Variants in PPP2R5C observed in about 807,000 individuals in gnomAD.
The protein encoded by PPP2R5C is protein phosphatase 2 regulatory subunit B'gamma.
In PPP2R5C, 7 loss-of-function variants were observed where a neutral mutation model predicts 68.9. The ratio of observed to expected loss-of-function variants is 0.10; its 90% CI spans 0.06 to 0.19. The LOEUF (loss-of-function observed/expected upper bound fraction) is 0.19, where lower values mean the gene tolerates loss of function less well. PPP2R5C is among the 10% of genes least tolerant of loss of function. The probability of loss-of-function intolerance (pLI) is 1.00; values close to 1 mark genes in which losing one functional copy is unlikely to be tolerated. For missense variants in PPP2R5C, 348 were observed against 641.3 expected (o/e 0.54, Z 4.94); for synonymous variants, 210 against 222.2 (o/e 0.95, Z 0.49).
chr14:101,925,264 G>T (rs762031227), exon 14 of PPP2R5C: 18 of 1,612,794 alleles, frequency 1.1e-5, no homozygotes, highest in Non-Finnish European at 1.5e-5. Context: ...CTCCCAGGAC[G>T]GCCGCTAGCC....
chr14:101,816,601 G>A (rs1042935776), intron 1 of PPP2R5C, among the ~76,000 whole-genome samples: 14 of 152,040 alleles, frequency 9.2e-5, no homozygotes, highest in East Asian at 5.8e-4. Flanking sequence ...GAATTACTGC[G>A]AACTTTCTAG....
At chr14:101,912,529 AGATAG>A in intron 12 of PPP2R5C, 56 bp downstream of exon 14, 1 of 1,553,416 alleles carries the variant, frequency 6.4e-7, no homozygotes, top group South Asian at 1.2e-5. Flanking sequence ...TGTTTTTATA[AGATAG>A]GAATATATGT....
chr14:101,874,252 G>C (rs1483879953), intron 2 of PPP2R5C, among the ~76,000 whole-genome samples: 1 of 152,182 alleles, frequency 6.6e-6, no homozygotes, highest in Admixed American at 6.6e-5. Flanking sequence ...AGAGTATGTT[G>C]TTCTGCTATG....
At chr14:101,828,802 C>T (rs938562654) in intron 1 of PPP2R5C, among the ~76,000 whole-genome samples, 4 of 151,684 alleles carry the variant, frequency 2.6e-5, no homozygotes, top group South Asian at 2.1e-4. Flanking sequence ...CTCAGCCTCC[C>T]GAGCAACTGA....
intron 3 of PPP2R5C, among the ~76,000 whole-genome samples, chr14:101,788,859 A>G (rs1185891237): frequency 4.6e-5 from 7 of 152,202 alleles, no homozygotes; most frequent in Admixed American, 3.3e-4. Context: ...AAGATGGTAT[A>G]TATCCCCCAT....
chr14:101,925,045 G>A (rs1182871948), intron 13 of PPP2R5C, 96 bp from the exon 16 acceptor site: 3 of 1,414,556 alleles, frequency 2.1e-6, no homozygotes, highest in Non-Finnish European at 2.9e-6. Context: ...TGAGGCACAC[G>A]TGCCTCGCGG....
Position 101,879,565 on chromosome 14 carries a change from G to C in PPP2R5C, c.295-2596G>C, listed in dbSNP as rs916400939. 3.9e-5 allele frequency among the ~76,000 whole-genome samples: 6 copies of C among 152,200 alleles called. No individual in the cohort carries two copies. The highest frequency in any genetic ancestry group is 1.4e-4 in the African/African-American group (6 of 41,444). On this transcript the variant is annotated intron_variant, in intron 2 of 13. Coordinates refer to ENST00000334743, the Ensembl canonical transcript of PPP2R5C. The surrounding 1 kb of genome is among the most constrained non-coding windows in gnomAD (Gnocchi z 4.2). The stretch of plus-strand genomic sequence containing the variant: ...CCTGCCAGGCATAGTCCTGTTCACA[G>C]ATTCCTCTGCCACCCAGAGTTCGTG...
rs2044643356 is a variant in PPP2R5C, at chr14:101,888,164, AG to A, written c.630-2069del. 6.6e-6 allele frequency among the ~76,000 whole-genome samples: 1 copy of A among 152,134 alleles called. No homozygotes were observed. The highest frequency in any genetic ancestry group is 2.4e-5 in the African/African-American group (1 of 41,424). The stretch of plus-strand genomic sequence containing the variant: ...TTAAAGCTGATGGATCTAGACCAGA[AG>A]GGGTCCAGGGGTCTTTGTCTCGGAG... On this transcript the variant is annotated intron_variant, in intron 5 of 13. Coordinates refer to ENST00000334743, the Ensembl canonical transcript of PPP2R5C. This position sits in a 1 kb window ranked among gnomAD's most constrained non-coding sequence, Gnocchi z 5.6.
chr14:101,774,784 T>C (rs532863659), intron 2 of PPP2R5C, among the ~76,000 whole-genome samples: 2 of 152,334 alleles, frequency 1.3e-5, no homozygotes, highest in South Asian at 2.1e-4. Flanking sequence ...TTTTCCTTTA[T>C]TTCTTCCTCT....
intron 11 of PPP2R5C, among the ~76,000 whole-genome samples, chr14:101,911,323 GA>G (rs2046379142): frequency 6.6e-6 from 1 of 152,144 alleles, no homozygotes; most frequent in South Asian, 2.1e-4. Flanking sequence ...GTAGTGTGGG[GA>G]AATAAAAGAA....
At chr14:101,767,913 G>T (rs527738754) in intron 2 of PPP2R5C, among the ~76,000 whole-genome samples, 1 of 152,270 alleles carries the variant, frequency 6.6e-6, no homozygotes, top group Non-Finnish European at 1.5e-5. Flanking sequence ...CCCTTCTCTA[G>T]CCCCCATTCC....
upstream of PPP2R5C, among the ~76,000 whole-genome samples, chr14:101,806,306 G>C (rs2039076578): frequency 6.7e-6 from 1 of 149,400 alleles, no homozygotes; most frequent in South Asian, 2.1e-4. Flanking sequence ...TCCCCTCCCT[G>C]TGTCCATGTG....
intron 3 of PPP2R5C, 126 bp downstream of exon 3, chr14:101,786,309 AG>A: frequency 4.0e-5 from 32 of 800,544 alleles, no homozygotes; most frequent in South Asian, 3.3e-4. Context: ...TTCTGTATTG[AG>A]GGGTTTTTTT....
chr14:101,805,212 C>T (rs560655241), upstream of PPP2R5C, among the ~76,000 whole-genome samples: 61 of 152,138 alleles, frequency 4.0e-4, no homozygotes, highest in Non-Finnish European at 7.9e-4. Context: ...CCTACAGGCA[C>T]GCACCACCAG....
At chr14:101,870,212 A>G (rs1392397427) in intron 2 of PPP2R5C, among the ~76,000 whole-genome samples, 1 of 151,556 alleles carries the variant, frequency 6.6e-6, no homozygotes, top group Non-Finnish European at 1.5e-5. Context: ...TTTAATTGAG[A>G]TAAAGTCCAA....
In PPP2R5C at chr14:101,867,032, C is replaced by T. The variant is rs1233448127; in HGVS notation, c.294+10147C>T. Among the ~76,000 whole-genome samples, 5 of 152,214 alleles carry T rather than the reference C, an allele frequency of 3.3e-5. No homozygotes were observed. The East Asian group carries it at 7.8e-4, about 24-fold the overall frequency. On this transcript the variant is annotated intron_variant, in intron 2 of 13. Coordinates refer to ENST00000334743, the Ensembl canonical transcript of PPP2R5C. The stretch of plus-strand genomic sequence containing the variant: ...AGGAGTTCAAGAGCAGCCTGGCCAA[C>T]GTGGTGGAACCCTGTCTCTACTAAA...
rs1387662355 is a variant in PPP2R5C at position 101,916,275 on chromosome 14, T to C, written c.1327-1556T>C. ...GGCACAGGGCGCTGAGGACCTGGTCTGACTGGCCTTCAAGGAAGGAACCCA... is the reference window on the plus strand; with the variant it reads ...GGCACAGGGCGCTGAGGACCTGGTCCGACTGGCCTTCAAGGAAGGAACCCA... On this transcript the variant is annotated intron_variant, in intron 12 of 13. Coordinates refer to ENST00000334743, the Ensembl canonical transcript of PPP2R5C. The surrounding 1 kb of genome is among the most constrained non-coding windows in gnomAD (Gnocchi z 5.5). 6.6e-6 allele frequency among the ~76,000 whole-genome samples: 1 copy of C among 152,132 alleles called. No individual in the cohort carries two copies. Among genetic ancestry groups the C allele is most frequent in the Non-Finnish European group, 1.5e-5 (1 of 68,012 alleles).
chr14:101,857,632 C>A (rs559429702), intron 2 of PPP2R5C, among the ~76,000 whole-genome samples: 1 of 152,370 alleles, frequency 6.6e-6, no homozygotes, highest in South Asian at 2.1e-4. Flanking sequence ...ATTCCTCAGT[C>A]AGTACCACCT....
upstream of PPP2R5C, among the ~76,000 whole-genome samples, chr14:101,761,602 C>CGGGCG (rs1193945578): frequency 9.4e-5 from 3 of 31,968 alleles, no homozygotes; most frequent in Admixed American, 4.0e-4. Flanking sequence ...GGGCGAGCGG[C>CGGGCG]GGGCGGGGCG....
Sources: allele counts gnomAD v4.1 joint callset (sites outside exome capture counted in the v4.1 genomes callset), GRCh38; gene constraint gnomAD v4.1.1; non-coding constraint Gnocchi (gnomAD v3.1); transcripts MANE v1.5; gene names NCBI Gene and HGNC (gene_info 2026-07-23, HGNC 2026-07-21).